NVL: variants seen among roughly 807,000 people sequenced by gnomAD.
NVL encodes nuclear VCP like.
NVL carries 84 observed loss-of-function variants against 110.2 expected under a neutral mutation model. The observed-to-expected ratio is 0.76, with a 90% CI of 0.64 to 0.91. NVL has a LOEUF of 0.91. Ranked by LOEUF, NVL falls within the 40% of genes least tolerant of loss-of-function variation. The probability of loss-of-function intolerance (pLI) is 0.00; values close to 1 mark genes in which losing one functional copy is unlikely to be tolerated. For missense variants in NVL, 882 were observed against 1,035.9 expected (o/e 0.85, Z 2.04); for synonymous variants, 354 against 361.1 (o/e 0.98, Z 0.22).
At chr1:224,237,911 A>G (rs1379598454) in intron 19 of NVL, among the ~76,000 whole-genome samples, 1 of 146,906 alleles carries the variant, frequency 6.8e-6, no homozygotes, top group East Asian at 2.0e-4. Context: ...CCATGATCGC[A>G]CCATTGCACT....
chr1:224,247,267 G>A (rs926244904), intron 19 of NVL, among the ~76,000 whole-genome samples: 4 of 151,816 alleles, frequency 2.6e-5, no homozygotes, highest in East Asian at 1.9e-4. Context: ...GTGCAGTGAC[G>A]TGACCATGGC....
intron 18 of NVL, among the ~76,000 whole-genome samples, chr1:224,264,827 G>A (rs1664333459): frequency 6.6e-6 from 1 of 152,064 alleles, no homozygotes; most frequent in Non-Finnish European, 1.5e-5. Context: ...TGCAACCTCC[G>A]CTTCCCGGGT....
At chr1:224,323,693 A>AG (rs772094007) in intron 2 of NVL, among the ~76,000 whole-genome samples, 33 of 152,214 alleles carry the variant, frequency 2.2e-4, no homozygotes, top group Non-Finnish European at 4.6e-4. Flanking sequence ...AAAAGAAGGC[A>AG]GGGCTGCCAC....
chr1:224,236,261 T>C (rs541442914), intron 20 of NVL, among the ~76,000 whole-genome samples: 10 of 152,298 alleles, frequency 6.6e-5, no homozygotes, highest in South Asian at 2.1e-4. Context: ...CAGTGCTGGT[T>C]AGGGTAGGTT....
intron 18 of NVL, among the ~76,000 whole-genome samples, chr1:224,263,386 T>C (rs1472052212): frequency 6.6e-6 from 1 of 152,208 alleles, no homozygotes; most frequent in African/African-American, 2.4e-5. Context: ...AGAACCTAGT[T>C]GTTATTACTG....
At chr1:224,289,758 T>C (rs1167481843) in intron 12 of NVL, 25 bp from the exon 13 acceptor site, 5 of 1,590,494 alleles carry the variant, frequency 3.1e-6, no homozygotes, top group African/African-American at 1.4e-5. Context: ...GGGGAAAAAA[T>C]TTCTGATTCC....
chr1:224,326,405 T>C lies in NVL; in HGVS notation c.117A>G (p.Leu39=), dbSNP rs765794329. 6.2e-7 allele frequency: 1 copy of C among 1,611,582 alleles called. No homozygotes were observed. Among genetic ancestry groups the C allele is most frequent in the South Asian group, 1.1e-5 (1 of 90,804 alleles). ...TATTTATTTACCTGTACACTCTTTG[T>C]AAATCAGACGCTAAGACTCCAATGT... ...YVDIGVLASD[L]QRVYSIDYGR... The change falls in exon 2 of 23, where the codon TTA becomes TTG. Residue 39 remains leucine, a synonymous_variant. Coordinates refer to ENST00000281701, the MANE Select transcript of NVL (RefSeq NM_002533.4).
chr1:224,295,960 C>CAAAA (rs942085228), intron 11 of NVL, among the ~76,000 whole-genome samples: 11 of 41,812 alleles, frequency 2.6e-4, no homozygotes, highest in African/African-American at 6.7e-4. Context: ...GACTCTGTCT[C>CAAAA]AAAAAAAAAA....
rs199945670 is a variant in NVL, at chr1:224,250,265, C to T, written c.2236G>A (p.Val746Met). The change falls in exon 19 of 23, where the codon GTG becomes ATG. Residue 746 changes from valine to methionine, a missense_variant. Physicochemically the swap from Val to Met is conservative, Grantham distance 21. Coordinates refer to ENST00000281701, the MANE Select transcript of NVL (RefSeq NM_002533.4). ...CGATCTGCAGGGGGCGGTAAACCCA[C>T]AAACAGTGTTTTGTCCAGGCGGCCC... The part of the protein sequence containing the change: ...RPGRLDKTLF[V>M]GLPPPADRLA... 7.0e-5 allele frequency: 113 copies of T among 1,608,126 alleles called. No individual in the cohort carries two copies. Among genetic ancestry groups the T allele is most frequent in the Non-Finnish European group, 9.5e-5 (112 of 1,177,714 alleles).
At chr1:224,268,998 A>T (rs987218097) in intron 17 of NVL, among the ~76,000 whole-genome samples, 2 of 151,486 alleles carry the variant, frequency 1.3e-5, no homozygotes, top group African/African-American at 4.9e-5. Flanking sequence ...CCAGTATATC[A>T]GGTATTCTAG....
intron 15 of NVL, among the ~76,000 whole-genome samples, chr1:224,282,798 G>A (rs992889988): frequency 6.6e-6 from 1 of 152,126 alleles, no homozygotes; most frequent in Non-Finnish European, 1.5e-5. Flanking sequence ...GTAACTGCAT[G>A]CCCTGACTTT....
chr1:224,233,227 G>C lies in NVL; in HGVS notation c.2429C>G (p.Ala810Gly). ...TTTTTCATTTCCACTCTTCTGTCTT[G>C]CCATTTCCTGTCTCAGGGCACAGAT... is the stretch of plus-strand genomic sequence containing the variant. ...ASICALRQEMARQKSGNEKGE... is the reference protein window; with the variant it reads ...ASICALRQEMGRQKSGNEKGE... Residue 810 changes from alanine to glycine, a missense_variant, in exon 21 of 23, where the codon GCA (alanine) becomes GGA (glycine). By Grantham distance (60) the Ala-to-Gly change is moderately conservative. Transcript: ENST00000281701. 6.2e-7 allele frequency: 1 copy of C among 1,612,612 alleles called. No individual in the cohort carries two copies. Among genetic ancestry groups the C allele is most frequent in the Non-Finnish European group, 8.5e-7 (1 of 1,179,540 alleles).
chr1:224,316,662 CA>C (rs71170004), intron 4 of NVL, among the ~76,000 whole-genome samples: 37 of 121,916 alleles, frequency 3.0e-4, no homozygotes, highest in Admixed American at 5.4e-4. Flanking sequence ...AACCCTGTCT[CA>C]AAAAAAAAAA....
At chr1:224,228,378 C>G (rs1659428637) in intron 22 of NVL, among the ~76,000 whole-genome samples, 1 of 152,012 alleles carries the variant, frequency 6.6e-6, no homozygotes, top group Admixed American at 6.6e-5. Flanking sequence ...AATCTCGGCT[C>G]ACTGCAATCT....
At chr1:224,228,924 C>CAAAAAAAAAAA (rs368485856) in intron 22 of NVL, among the ~76,000 whole-genome samples, 2 of 81,686 alleles carry the variant, frequency 2.4e-5, no homozygotes, top group Non-Finnish European at 4.2e-5. Context: ...GACTCCGTCT[C>CAAAAAAAAAAA]AAAAAAAAAA....
intron 21 of NVL, chr1:224,232,952 A>G: frequency 2.9e-6 from 1 of 350,510 alleles, no homozygotes; most frequent in Non-Finnish European, 5.1e-6. Context: ...CATGATGAAG[A>G]CAGCGAATGG....
At chr1:224,310,194 AAAAG>A (rs1383196401) in intron 5 of NVL, among the ~76,000 whole-genome samples, 4 of 151,716 alleles carry the variant, frequency 2.6e-5, no homozygotes, top group Non-Finnish European at 5.9e-5. Flanking sequence ...AAAAAAAAAA[AAAAG>A]AAAGAAATAT....
intron 19 of NVL, among the ~76,000 whole-genome samples, chr1:224,238,681 A>C (rs553220970): frequency 3.0e-4 from 46 of 152,306 alleles, no homozygotes; most frequent in African/African-American, 1.1e-3. Flanking sequence ...AAAGGGTCAG[A>C]ATGTAGGATT....
At chr1:224,263,613 T>A (rs1286547589) in intron 18 of NVL, among the ~76,000 whole-genome samples, 2 of 152,142 alleles carry the variant, frequency 1.3e-5, no homozygotes, top group Non-Finnish European at 2.9e-5. Context: ...TTATCCCACA[T>A]CTAATTCCAG....
Sources: allele counts gnomAD v4.1 joint callset (sites outside exome capture counted in the v4.1 genomes callset), GRCh38; gene constraint gnomAD v4.1.1; transcripts MANE v1.5; gene names NCBI Gene and HGNC (gene_info 2026-07-23, HGNC 2026-07-21).